MYCBP2: variants seen among roughly 807,000 people sequenced by gnomAD.
MYCBP2 encodes the protein E3 ubiquitin-protein ligase MYCBP2.
Under a neutral mutation model 525.3 loss-of-function variants are expected in MYCBP2, and 120 were observed. That is an observed-to-expected ratio of 0.23 (90% CI 0.20 to 0.27). The LOEUF (loss-of-function observed/expected upper bound fraction) is 0.27, where lower values mean the gene tolerates loss of function less well. Among genes scored for constraint, MYCBP2 ranks in the 10% least tolerant of loss-of-function variants. The pLI, the probability that MYCBP2 is intolerant of heterozygous loss-of-function variation, is 1.00. For synonymous variants in MYCBP2, 1,894 were observed against 1,955.8 expected (o/e 0.97, Z 0.83); for missense variants, 4,149 against 5,657.1 (o/e 0.73, Z 8.55).
At position 77,081,428 on chromosome 13, in the gene MYCBP2, C is replaced by T; in HGVS notation, c.11417G>A (p.Gly3806Glu). 1.2e-6 allele frequency: 2 copies of T among 1,610,984 alleles called. No homozygotes were observed. Among genetic ancestry groups the T allele is most frequent in the Non-Finnish European group, 1.7e-6 (2 of 1,179,084 alleles). Residue 3806 changes from glycine (G) to glutamate (E), a missense_variant and splice_region_variant, in exon 65 of 83, where the codon GGG becomes GAG. Physicochemically the swap from Gly to Glu is moderately conservative, Grantham distance 98 (BLOSUM62 -2). Transcript: ENST00000544440. This position sits in a 1 kb window ranked among gnomAD's most constrained non-coding sequence, Gnocchi z 4.6. ...CGTAAATCACGTTTGCTTTCTTACC[C>T]CAAGATCTCGGGAATTGTCCACGTG... Reference protein sequence around the residue: ...SVHVDNSRDLGNKVTSMTFLT... With the variant: ...SVHVDNSRDLENKVTSMTFLT...
chr13:77,259,724 CTA>C (rs1401818642), intron 13 of MYCBP2, among the ~76,000 whole-genome samples: 1 of 152,198 alleles, frequency 6.6e-6, no homozygotes, highest in East Asian at 1.9e-4. Flanking sequence ...TTCATTAATT[CTA>C]GTTTCCTTTT....
chr13:77,235,811 G>A (rs1295697501), intron 17 of MYCBP2, among the ~76,000 whole-genome samples: 1 of 152,020 alleles, frequency 6.6e-6, no homozygotes, highest in Non-Finnish European at 1.5e-5. Context: ...ACTTGAGGGT[G>A]GGAAGGTAGA....
chr13:77,277,064 T>G (rs2075704640), intron 4 of MYCBP2, among the ~76,000 whole-genome samples: 1 of 152,074 alleles, frequency 6.6e-6, no homozygotes, highest in Non-Finnish European at 1.5e-5. Context: ...AGAAAGTATG[T>G]ACAGAATGGA....
intron 3 of MYCBP2, among the ~76,000 whole-genome samples, chr13:77,286,648 T>C (rs774026936): frequency 1.3e-3 from 176 of 140,626 alleles, no homozygotes; most frequent in Non-Finnish European, 2.3e-3. Flanking sequence ...CCCAGCTACT[T>C]GGGAGGCTGA....
chr13:77,299,145 C>T (rs2078507278), intron 1 of MYCBP2, among the ~76,000 whole-genome samples: 2 of 152,018 alleles, frequency 1.3e-5, no homozygotes, highest in South Asian at 4.1e-4. Flanking sequence ...TATTCCAAAC[C>T]AATTTTCAGA....
At chr13:77,325,085 A>G (rs1280940503) in intron 1 of MYCBP2, among the ~76,000 whole-genome samples, 1 of 152,220 alleles carries the variant, frequency 6.6e-6, no homozygotes, top group Admixed American at 6.5e-5. Context: ...GCTGTGCCCA[A>G]TCCTGTAAAC....
At chr13:77,214,241 T>C (rs1227824740) in intron 21 of MYCBP2, among the ~76,000 whole-genome samples, 1 of 152,162 alleles carries the variant, frequency 6.6e-6, no homozygotes, top group Non-Finnish European at 1.5e-5. Flanking sequence ...GAAAGCAAAA[T>C]ACAGGAGAAT....
chr13:77,326,409 A>C lies in MYCBP2; in HGVS notation c.302+65T>G. On this transcript the variant is annotated intron_variant, in intron 1 of 82. Coordinates refer to ENST00000544440, the MANE Select transcript of MYCBP2 (RefSeq NM_015057.5). The surrounding 1 kb of genome is among the most constrained non-coding windows in gnomAD (Gnocchi z 4.2). Reference sequence around the variant, plus strand: ...CGCAAGCACACACACACGCGGGTGCACGCGCGGCATGGGGCGCAAGGAAGG... The same window carrying C: ...CGCAAGCACACACACACGCGGGTGCCCGCGCGGCATGGGGCGCAAGGAAGG... The C allele has an allele frequency of 1.4e-6, 2 of 1,450,972 alleles. No homozygotes were observed. The highest frequency in any genetic ancestry group is 9.1e-7 in the Non-Finnish European group (1 of 1,097,156). 89.9% of individuals were successfully genotyped at this position (1,450,972 alleles called of 1,614,324 possible).
At chr13:77,296,218 G>A (rs992469296) in intron 2 of MYCBP2, among the ~76,000 whole-genome samples, 25 of 152,018 alleles carry the variant, frequency 1.6e-4, no homozygotes, top group Non-Finnish European at 2.9e-5. Context: ...CCACGAGTTC[G>A]AGACAAGCCT....
chr13:77,185,294 A>G lies in MYCBP2; in HGVS notation c.4528T>C (p.Ser1510Pro). Residue 1510 changes from serine (S) to proline (P), a missense_variant, in exon 32 of 83, where the codon TCA becomes CCA. Around this residue, in one of 21 missense-constraint regions of MYCBP2, gnomAD observed 292 missense variants for 330.5 expected, o/e 0.88. Transcript: ENST00000544440. ...ACCATGCAGTGATCAACTCCTTCTGATAAAATTTTTCTTAACAAAGTTCTG... is the reference window on the plus strand; with the variant it reads ...ACCATGCAGTGATCAACTCCTTCTGGTAAAATTTTTCTTAACAAAGTTCTG... ...KTRTLLRKILSEGVDHCMVKL... is the reference protein window; with the variant it reads ...KTRTLLRKILPEGVDHCMVKL... 1.2e-6 allele frequency: 2 copies of G among 1,614,034 alleles called. No homozygotes were observed. The highest frequency in any genetic ancestry group is 1.7e-6 in the Non-Finnish European group (2 of 1,179,994).
intron 1 of MYCBP2, among the ~76,000 whole-genome samples, chr13:77,317,707 C>T (rs950199418): frequency 1.3e-5 from 2 of 152,010 alleles, no homozygotes; most frequent in African/African-American, 4.8e-5. Flanking sequence ...GGGAGGCTGA[C>T]GTGGCCGGAT....
intron 69 of MYCBP2, 51 bp from the exon 70 acceptor site, chr13:77,068,882 A>T: frequency 1.3e-6 from 2 of 1,552,854 alleles, no homozygotes; most frequent in East Asian, 4.5e-5. Context: ...AGTTTGATTT[A>T]CTACTCCTAG....
At chr13:77,285,857 G>GGAAAAGGAAA (rs1555459735) in intron 3 of MYCBP2, among the ~76,000 whole-genome samples, 1 of 146,028 alleles carries the variant, frequency 6.8e-6, no homozygotes, top group Non-Finnish European at 1.5e-5. Flanking sequence ...GAGAAAGGAA[G>GGAAAAGGAAA]GGAAAGGAAA....
rs372256800 is a variant in MYCBP2 at position 77,077,330 on chromosome 13, T to C, written c.11542A>G (p.Asn3848Asp). 2.5e-6 allele frequency: 4 copies of C among 1,613,944 alleles called. No homozygotes were observed. In the African/African-American group the frequency reaches 5.3e-5, roughly 22 times the overall value. The change falls in exon 67 of 83, where the codon AAT becomes GAT. Residue 3848 changes from asparagine (N) to aspartate (D), a missense_variant. Physicochemically the swap from Asn to Asp is conservative, Grantham distance 23 (BLOSUM62 1). Coordinates refer to ENST00000544440, the MANE Select transcript of MYCBP2 (RefSeq NM_015057.5). ...WVTSELPGGD[N>D]HIIKIELKGP... ...TTTAATTCAATTTTTATGATGTGAT[T>C]ATCCCCTCCTGGAAGTTCACTTGTT... is the stretch of plus-strand genomic sequence containing the variant.
In MYCBP2 at chr13:77,150,720, GT is replaced by G. The variant is rs2056342148; in HGVS notation, c.7131+13del. ...CTGAAAACTAAAATTTTTCTGATAA[GT>G]AAAATAAATTACCTTCATCATTGTT... is the stretch of plus-strand genomic sequence containing the variant. On this transcript the variant is annotated intron_variant, in intron 47 of 82. Transcript: ENST00000544440. 6.2e-7 allele frequency: 1 copy of G among 1,602,576 alleles called. No individual in the cohort carries two copies. The highest frequency in any genetic ancestry group is 1.3e-5 in the African/African-American group (1 of 74,490).
chr13:77,284,622 A>C (rs940995380), intron 3 of MYCBP2, among the ~76,000 whole-genome samples: 9 of 152,044 alleles, frequency 5.9e-5, no homozygotes, highest in Admixed American at 5.2e-4. Flanking sequence ...GATTCTCTAG[A>C]AGTTTCATTT....
intron 44 of MYCBP2, among the ~76,000 whole-genome samples, chr13:77,159,424 A>C (rs2057603720): frequency 6.6e-6 from 1 of 152,058 alleles, no homozygotes; most frequent in Non-Finnish European, 1.5e-5. Flanking sequence ...AGATCTCTCC[A>C]TATCTGGTCT....
At chr13:77,052,444 T>C (rs1216027075) in intron 80 of MYCBP2, among the ~76,000 whole-genome samples, 1 of 152,218 alleles carries the variant, frequency 6.6e-6, no homozygotes, top group Non-Finnish European at 1.5e-5. Flanking sequence ...GGTGATCCTC[T>C]TGCCTTGGCC....
At chr13:77,184,572 A>C (rs183809060) in intron 32 of MYCBP2, among the ~76,000 whole-genome samples, 1 of 152,276 alleles carries the variant, frequency 6.6e-6, no homozygotes, top group East Asian at 1.9e-4. Context: ...TTCCTCTATT[A>C]ATTACTGAAA....
Sources: allele counts gnomAD v4.1 joint callset (sites outside exome capture counted in the v4.1 genomes callset), GRCh38; gene constraint gnomAD v4.1.1; regional missense constraint gnomAD v4.1.1; non-coding constraint Gnocchi (gnomAD v3.1); transcripts MANE v1.5; gene names NCBI Gene and HGNC (gene_info 2026-07-23, HGNC 2026-07-21).